Variants in NKAP observed in about 807,000 individuals in gnomAD.
The protein encoded by NKAP is NF-kappa-B-activating protein.
NKAP carries 4 observed loss-of-function variants against 35.6 expected under a neutral mutation model. That is an observed-to-expected ratio of 0.11 (90% CI 0.06 to 0.26). NKAP has a LOEUF of 0.26. Ranked by LOEUF, NKAP falls within the 10% of genes least tolerant of loss-of-function variation. NKAP has a pLI of 1.00. For missense variants in NKAP, 238 were observed against 321.9 expected, an observed-to-expected ratio of 0.74 and a Z score of 1.99; for synonymous variants, 106 against 119.2, an observed-to-expected ratio of 0.89 and a Z score of 0.72.
chrX:119,942,959 C>G (rs2056800315), intron 1 of NKAP: 1 of 354,205 alleles, frequency 2.8e-6, no homozygotes, highest in African/African-American at 2.6e-5. Flanking sequence ...TAGGTCTGAA[C>G]TCTCGGCAAT....
chrX:119,933,169 T>C (rs923541799), intron 5 of NKAP, among the ~76,000 whole-genome samples: 1 of 111,833 alleles, frequency 8.9e-6, no homozygotes, highest in African/African-American at 3.2e-5. Flanking sequence ...AAAAATCCAA[T>C]TCATTATTTG....
rs1452973247 is a variant in NKAP, at chrX:119,922,889, C to T, written c.*2331G>A. Reference sequence around the variant, plus strand: ...TCAGGTAATTTAAATTTATCATAGGCATGTAATAATAATGCAGATCAAATA... The same window carrying T: ...TCAGGTAATTTAAATTTATCATAGGTATGTAATAATAATGCAGATCAAATA... On this transcript the variant is annotated 3_prime_UTR_variant, in exon 9 of 9. Coordinates refer to ENST00000371410, the MANE Select transcript of NKAP (RefSeq NM_024528.4). 1 of 111,252 alleles carries T rather than the reference C, an allele frequency of 9.0e-6. No homozygotes were observed. The highest frequency in any genetic ancestry group is 1.9e-5 in the Non-Finnish European group (1 of 53,094). The allele number at this position is 111,252 out of a possible 1,213,427, so 9.2% of individuals were successfully genotyped here. A position where few individuals can be genotyped will look rare whatever the true frequency, so the allele number is the denominator to read the frequency against.
rs1470529871 is a variant in NKAP at position 119,921,932 on chromosome X, C to T, written c.*3288G>A. ...TCTCGGCTCACTGCAACCTCCACCT[C>T]CCAGGTTCAAGCAATTCTCCTGCCT... On this transcript the variant is annotated 3_prime_UTR_variant, in exon 9 of 9. Transcript: ENST00000371410. 1 of 111,459 alleles carries T rather than the reference C, an allele frequency of 9.0e-6. No individual in the cohort carries two copies. The highest frequency in any genetic ancestry group is 1.9e-5 in the Non-Finnish European group (1 of 53,101). The allele number at this position is 111,459 out of a possible 1,213,427, so 9.2% of individuals were successfully genotyped here. A position where few individuals can be genotyped will look rare whatever the true frequency, so the allele number is the denominator to read the frequency against.
rs1255249620 is a variant in NKAP, at chrX:119,943,205, G to A, written c.386+15C>T. The A allele has an allele frequency of 8.6e-7, 1 of 1,160,735 alleles. No individual in the cohort carries two copies. Among genetic ancestry groups the A allele is most frequent in the African/African-American group, 1.8e-5 (1 of 55,771 alleles). The stretch of plus-strand genomic sequence containing the variant: ...CGTAGGCTCGTACAAGAGAAAGTGC[G>A]GCCGTCTCACTCACTTCTGCCGCAG... On this transcript the variant is annotated intron_variant, in intron 1 of 8. Coordinates refer to ENST00000371410, the MANE Select transcript of NKAP (RefSeq NM_024528.4).
chrX:119,939,029 A>G (rs1177194845), intron 1 of NKAP, among the ~76,000 whole-genome samples: 1 of 112,435 alleles, frequency 8.9e-6, no homozygotes, highest in Non-Finnish European at 1.9e-5. Context: ...GAGACTGTCA[A>G]GTGCATCCAT....
intron 5 of NKAP, chrX:119,932,424 C>A: frequency 3.2e-6 from 1 of 308,550 alleles, no homozygotes; most frequent in Non-Finnish European, 5.5e-6. Context: ...TCTAACTGAA[C>A]CTGGGAAACA....
In NKAP at chrX:119,943,363, T is replaced by C. The variant is rs374714285; in HGVS notation, c.243A>G (p.Arg81=). ...SYRSRSRSRS[R]ERPSAPRGIP... ...TGCCCCGGGGCGCAGAGGGCCGCTC[T>C]CTAGAACGCGACCGCGAGCGTGAGC... Residue 81 remains arginine, a synonymous_variant, in exon 1 of 9, where the codon AGA becomes AGG. Transcript: ENST00000371410. The C allele has an allele frequency of 3.2e-5, 39 of 1,211,024 alleles. No homozygotes were observed. In the African/African-American group the frequency reaches 6.6e-4, roughly 20 times the overall value.
intron 1 of NKAP, among the ~76,000 whole-genome samples, chrX:119,942,010 TTA>T (rs2056795774): frequency 8.9e-6 from 1 of 112,185 alleles, no homozygotes; most frequent in Non-Finnish European, 1.9e-5. Flanking sequence ...TATTGTTAAA[TTA>T]TGTGTCAGGC....
chrX:119,922,235 C>T lies in NKAP; in HGVS notation c.*2985G>A, dbSNP rs1252834368. The T allele has an allele frequency of 8.9e-6, 1 of 111,806 alleles. No individual in the cohort carries two copies. Among genetic ancestry groups the T allele is most frequent in the Non-Finnish European group, 1.9e-5 (1 of 53,231 alleles). 9.2% of individuals were successfully genotyped at this position (111,806 alleles called of 1,213,427 possible). ...GACTCAAAACTTTGGGAACTAGTTT[C>T]TTTTAACTTTTGAAAACTACAGATT... On this transcript the variant is annotated 3_prime_UTR_variant, in exon 9 of 9. Coordinates refer to ENST00000371410, the MANE Select transcript of NKAP (RefSeq NM_024528.4).
chrX:119,925,402 G>T lies in NKAP; in HGVS notation c.1074-8C>A. ...GCCTCCATTCGGCGATGCCTGGAGA[G>T]AATTTTATTTTTGGCTTAATTTCTC... On this transcript the variant is annotated splice_polypyrimidine_tract_variant and splice_region_variant and intron_variant, in intron 8 of 8. Transcript: ENST00000371410. 4 of 1,185,804 alleles carry T rather than the reference G, an allele frequency of 3.4e-6. No homozygotes were observed. The highest frequency in any genetic ancestry group is 1.9e-5 in the South Asian group (1 of 52,740).
At position 119,943,714 on chromosome X, in the gene NKAP, T is replaced by A; in HGVS notation, c.-109A>T. The stretch of plus-strand genomic sequence containing the variant: ...ACCTGCCGCTGCGGAACAGCCCAAA[T>A]CTGAGGAAACCTTGGACACAGTTCT... On this transcript the variant is annotated 5_prime_UTR_variant, in exon 1 of 9. Transcript: ENST00000371410. The A allele has an allele frequency of 1.1e-6, 1 of 924,815 alleles. No individual in the cohort carries two copies. The highest frequency in any genetic ancestry group is 2.5e-5 in the South Asian group (1 of 39,363). 76.2% of individuals were successfully genotyped at this position (924,815 alleles called of 1,213,427 possible).
intron 8 of NKAP, among the ~76,000 whole-genome samples, chrX:119,928,597 C>T (rs1202514212): frequency 8.9e-6 from 1 of 111,763 alleles, no homozygotes; most frequent in Non-Finnish European, 1.9e-5. Context: ...GAGTTTCACT[C>T]TTGTCACCCA....
At chrX:119,942,283 G>C (rs1037015020) in intron 1 of NKAP, among the ~76,000 whole-genome samples, 6 of 110,629 alleles carry the variant, frequency 5.4e-5, no homozygotes, top group Non-Finnish European at 1.9e-5. Flanking sequence ...TACCAGCCTG[G>C]GCAACATGGT....
Position 119,925,346 on chromosome X carries a change from G to A in NKAP, c.1122C>T (p.Tyr374=). The A allele has an allele frequency of 8.3e-7, 1 of 1,208,702 alleles. No homozygotes were observed. The stretch of plus-strand genomic sequence containing the variant: ...CAAGGGCTCTCTTCTCATCAGCACT[G>A]TAGATCTGGTTCTCTTTTCGCAGTC... The part of the protein sequence containing the change: ...AVRLRKENQI[Y]SADEKRALAS... Residue 374 remains tyrosine (Y), a synonymous_variant, in exon 9 of 9, where the codon TAC becomes TAT. Coordinates refer to ENST00000371410, the MANE Select transcript of NKAP (RefSeq NM_024528.4).
At position 119,923,707 on chromosome X, in the gene NKAP, C is replaced by G. The variant is rs1161919232; in HGVS notation, c.*1513G>C. The G allele has an allele frequency of 8.9e-6, 1 of 112,514 alleles. No individual in the cohort carries two copies. The highest frequency in any genetic ancestry group is 1.9e-5 in the Non-Finnish European group (1 of 53,294). The allele number at this position is 112,514 out of a possible 1,213,427, so 9.3% of individuals were successfully genotyped here. A position where few individuals can be genotyped will look rare whatever the true frequency, so the allele number is the denominator to read the frequency against. ...CAGTGGCTCATGCCTGTAATCCCAG[C>G]ACTTTGGGAGGCCAAGGCGGGCGGA... On this transcript the variant is annotated 3_prime_UTR_variant, in exon 9 of 9. Transcript: ENST00000371410.
chrX:119,925,885 T>C (rs2056708623), intron 8 of NKAP, among the ~76,000 whole-genome samples: 1 of 105,676 alleles, frequency 9.5e-6, no homozygotes, highest in Admixed American at 1.0e-4. Flanking sequence ...ATTCAAATAA[T>C]GATCTCTGAT....
chrX:119,940,545 A>AAAAAC (rs1221224757), intron 1 of NKAP, among the ~76,000 whole-genome samples: 3 of 111,611 alleles, frequency 2.7e-5, no homozygotes, highest in Non-Finnish European at 3.8e-5. Context: ...TCATAAACTA[A>AAAAAC]AAAACAAAAC....
At chrX:119,933,740 A>C (rs1377650757) in intron 5 of NKAP, among the ~76,000 whole-genome samples, 5 of 110,443 alleles carry the variant, frequency 4.5e-5, no homozygotes. Context: ...GCTGGTATTG[A>C]ACTCCTGGGC....
intron 5 of NKAP, chrX:119,932,600 C>A (rs965142227): frequency 1.7e-5 from 2 of 116,590 alleles, no homozygotes; most frequent in Non-Finnish European, 3.5e-5. Context: ...GTCTGGGCAA[C>A]AGAGCGAGAC....
Sources: gnomAD v4.1 joint callset for allele counts (sites outside exome capture counted in the v4.1 genomes callset) on GRCh38, gnomAD v4.1.1 for gene constraint, MANE v1.5 for transcripts, NCBI Gene and HGNC (gene_info 2026-07-23, HGNC 2026-07-21) for gene names.